Variants in KALRN observed in about 807,000 individuals in gnomAD.
The protein encoded by KALRN is kalirin RhoGEF kinase, also known as kalirin.
Under a neutral mutation model 353.7 loss-of-function variants are expected in KALRN, and 70 were observed. The observed-to-expected ratio is 0.20, with a 90% CI of 0.16 to 0.24. The LOEUF is 0.24. Among genes scored for constraint, KALRN ranks in the 10% least tolerant of loss-of-function variants. The pLI is 1.00. For missense variants in KALRN, 2,791 were observed against 3,756.7 expected, an observed-to-expected ratio of 0.74 and a Z score of 6.72; for synonymous variants, 1,391 against 1,434.8, an observed-to-expected ratio of 0.97 and a Z score of 0.69.
chr3:124,140,130 C>T (rs2066445709), intron 1 of KALRN, among the ~76,000 whole-genome samples: 1 of 152,140 alleles, frequency 6.6e-6, no homozygotes, highest in African/African-American at 2.4e-5. Flanking sequence ...TCCGGTCAAT[C>T]GTTGACTAAC....
intron 5 of KALRN, among the ~76,000 whole-genome samples, chr3:124,286,790 C>T (rs1357145080): frequency 2.0e-5 from 3 of 152,060 alleles, no homozygotes; most frequent in Non-Finnish European, 2.9e-5. Flanking sequence ...ATTTTGAAAG[C>T]CTTGTCTGCT....
chr3:124,652,578 C>T (rs1174484849), intron 38 of KALRN, among the ~76,000 whole-genome samples: 1 of 152,128 alleles, frequency 6.6e-6, no homozygotes, highest in Non-Finnish European at 1.5e-5. Context: ...AAAAGCCAGT[C>T]ACTACTCTTT....
chr3:124,271,763 C>G (rs1001298066), intron 5 of KALRN, among the ~76,000 whole-genome samples: 1 of 152,176 alleles, frequency 6.6e-6, no homozygotes, highest in African/African-American at 2.4e-5. Context: ...GAGAAAAATC[C>G]CAAATCCTAC....
intron 53 of KALRN, among the ~76,000 whole-genome samples, chr3:124,695,739 C>CTTT (rs550754671): frequency 0.05 from 7,306 of 145,236 alleles, 242 homozygotes; most frequent in Non-Finnish European, 0.078. Context: ...TGAGTCTTTC[C>CTTT]TTTTTTTTTT....
At chr3:124,122,649 G>A (rs1162835408) in intron 1 of KALRN, among the ~76,000 whole-genome samples, 1 of 151,938 alleles carries the variant, frequency 6.6e-6, no homozygotes, top group East Asian at 1.9e-4. Flanking sequence ...TTATGATTGG[G>A]GGCACCACAA....
intron 57 of KALRN, among the ~76,000 whole-genome samples, chr3:124,705,645 C>T (rs1347743411): frequency 1.3e-5 from 2 of 152,132 alleles, no homozygotes; most frequent in East Asian, 1.9e-4. Flanking sequence ...CTGTGTTCAG[C>T]CTGCCATCCT....
rs34148546 is a variant in KALRN, at chr3:124,282,379, C to CTTTT, written c.969+13137_969+13140dup. On this transcript the variant is annotated intron_variant, in intron 5 of 59. Transcript: ENST00000682506. ...TGTTGCATTTCTGCCCTACATTTTT[C>CTTTT]TTTTTTTTTTTTTTTTGAGATGGAG... is the stretch of plus-strand genomic sequence containing the variant. Among the ~76,000 whole-genome samples, 195 of 134,778 alleles carry CTTTT rather than the reference C, an allele frequency of 1.4e-3. 4 individuals carry two copies. The highest frequency in any genetic ancestry group is 6.5e-3 in the South Asian group (27 of 4,154). The allele number at this position is 134,778 out of a possible 152,430, so 88.4% of individuals were successfully genotyped here.
chr3:124,557,993 C>G (rs375858404), intron 33 of KALRN, among the ~76,000 whole-genome samples: 40 of 152,160 alleles, frequency 2.6e-4, no homozygotes, highest in African/African-American at 9.4e-4. Context: ...AGGGATTCCT[C>G]GGTCCCACCA....
chr3:124,111,127 G>C (rs1335885693), intron 1 of KALRN, among the ~76,000 whole-genome samples: 2 of 152,114 alleles, frequency 1.3e-5, no homozygotes, highest in Non-Finnish European at 2.9e-5. Flanking sequence ...TCCTCAGTGG[G>C]AAGGTTGGTC....
intron 19 of KALRN, among the ~76,000 whole-genome samples, chr3:124,443,333 G>A (rs1244670235): frequency 6.6e-6 from 1 of 152,198 alleles, no homozygotes. Context: ...AACCCAAGCC[G>A]ACTTGGAGTG....
At chr3:124,165,882 C>A (rs1309842622) in intron 1 of KALRN, among the ~76,000 whole-genome samples, 2 of 152,196 alleles carry the variant, frequency 1.3e-5, no homozygotes, top group African/African-American at 4.8e-5. Context: ...ACCATGGCCT[C>A]TTTCTCAAAC....
intron 5 of KALRN, among the ~76,000 whole-genome samples, chr3:124,283,492 G>A (rs1444731730): frequency 1.3e-5 from 2 of 152,102 alleles, no homozygotes; most frequent in African/African-American, 4.8e-5. Flanking sequence ...ATATCCCGGG[G>A]CTGTCTGGGC....
chr3:124,673,039 T>G (rs73195562), intron 48 of KALRN, among the ~76,000 whole-genome samples: 4,238 of 152,304 alleles, frequency 0.028, 80 homozygotes, highest in East Asian at 0.078. Flanking sequence ...ATTTTCCACC[T>G]TAAAAAACAA....
chr3:124,678,474 AT>A (rs3830412), intron 50 of KALRN, 161 bp downstream of exon 50: 116,355 of 658,132 alleles, frequency 0.18, 11,992 homozygotes, highest in Middle Eastern at 0.24. Flanking sequence ...AGATCAATTT[AT>A]TTTTTATCTT....
chr3:124,700,493 C>G (rs1023314087), intron 56 of KALRN, among the ~76,000 whole-genome samples: 14 of 152,126 alleles, frequency 9.2e-5, no homozygotes, highest in Non-Finnish European at 1.8e-4. Flanking sequence ...CCCAATCATC[C>G]CAGAATTTCT....
At chr3:124,580,207 C>T (rs13062584) in intron 34 of KALRN, among the ~76,000 whole-genome samples, 37,793 of 152,086 alleles carry the variant, frequency 0.25, 4,838 homozygotes, top group East Asian at 0.33. Context: ...TTAACACACC[C>T]TCCAGGTGAT....
At chr3:124,565,122 C>T (rs2109936084) in intron 34 of KALRN, among the ~76,000 whole-genome samples, 1 of 152,330 alleles carries the variant, frequency 6.6e-6, no homozygotes. Flanking sequence ...TTCCTTTCCT[C>T]CACTAGATGG....
At chr3:124,440,843 A>C (rs555582908) in intron 18 of KALRN, among the ~76,000 whole-genome samples, 163 of 152,130 alleles carry the variant, frequency 1.1e-3, no homozygotes, top group Non-Finnish European at 2.0e-3. Flanking sequence ...AGAGAAATAC[A>C]GAAAGTACTA....
At chr3:124,231,525 G>A (rs1031000975) in intron 2 of KALRN, among the ~76,000 whole-genome samples, 1 of 152,116 alleles carries the variant, frequency 6.6e-6, no homozygotes, top group African/African-American at 2.4e-5. Flanking sequence ...CCCTGGACCT[G>A]CATCTCTCAA....
Sources: gnomAD v4.1 joint callset for allele counts (sites outside exome capture counted in the v4.1 genomes callset) on GRCh38, gnomAD v4.1.1 for gene constraint, MANE v1.5 for transcripts, NCBI Gene and HGNC (gene_info 2026-07-23, HGNC 2026-07-21) for gene names.